The following GPR26 variants were observed in gnomAD, a reference collection of about 807,000 sequenced individuals.
GPR26 encodes the protein G protein-coupled receptor 26.
In GPR26, 15 loss-of-function variants were observed where a neutral mutation model predicts 23.1. The ratio of observed to expected loss-of-function variants is 0.65; its 90% CI spans 0.43 to 1.00. GPR26 has a LOEUF of 1.00. GPR26 is among the 50% of genes least tolerant of loss of function. GPR26 has a pLI of 0.00. For synonymous variants in GPR26, 228 were observed against 222.1 expected (o/e 1.03, Z -0.24); for missense variants, 359 against 470.5 (o/e 0.76, Z 2.19).
chr10:123,677,063 C>T (rs551132525), intron 2 of GPR26, among the ~76,000 whole-genome samples: 3 of 152,312 alleles, frequency 2.0e-5, no homozygotes, highest in South Asian at 4.1e-4. Flanking sequence ...TCCCAGAAGC[C>T]GGACAGCCGT....
At chr10:123,687,637 G>A (rs983216223) in intron 2 of GPR26, among the ~76,000 whole-genome samples, 2 of 145,278 alleles carry the variant, frequency 1.4e-5, no homozygotes, top group African/African-American at 5.1e-5. Context: ...AACCTCCTGG[G>A]ACATCTGTTT....
rs892705906 is a variant in GPR26, at chr10:123,695,771, A to T, written c.*7611A>T. Among the ~76,000 whole-genome samples, 5 of 152,206 alleles carry T rather than the reference A, an allele frequency of 3.3e-5. No individual in the cohort carries two copies. The highest frequency in any genetic ancestry group is 6.5e-5 in the Admixed American group (1 of 15,276). The stretch of plus-strand genomic sequence containing the variant: ...TAATAGTAACCAAACTCTCTGCTCT[A>T]ACAACCTTCGAATGTCAAGTTCCCT... On this transcript the variant is annotated 3_prime_UTR_variant, in exon 3 of 3. Transcript: ENST00000284674.
At chr10:123,681,685 C>A (rs1845379836) in intron 2 of GPR26, among the ~76,000 whole-genome samples, 1 of 152,212 alleles carries the variant, frequency 6.6e-6, no homozygotes, top group Non-Finnish European at 1.5e-5. Flanking sequence ...GGGGGATTCC[C>A]TTCTCTTCAC....
chr10:123,667,383 A>G (rs1455649388), intron 1 of GPR26, among the ~76,000 whole-genome samples: 1 of 152,150 alleles, frequency 6.6e-6, no homozygotes, highest in East Asian at 1.9e-4. Context: ...TTCACTTTAA[A>G]TGGCACATGG....
rs1312176430 is a variant in GPR26 at position 123,674,316 on chromosome 10, C to T, written c.669-502C>T. ...GTAAAAACTTTCCTTGCAGGTAAAA[C>T]ACACCTGCCAGGATTAACTGTGGTA... is the stretch of plus-strand genomic sequence containing the variant. On this transcript the variant is annotated intron_variant, in intron 1 of 2. Transcript: ENST00000284674. This position sits in a 1 kb window ranked among gnomAD's most constrained non-coding sequence, Gnocchi z 4.1. Among the ~76,000 whole-genome samples, 1 of 152,200 alleles carries T rather than the reference C, an allele frequency of 6.6e-6. No individual in the cohort carries two copies. Among genetic ancestry groups the T allele is most frequent in the Non-Finnish European group, 1.5e-5 (1 of 68,028 alleles).
At chr10:123,670,290 T>C (rs866306788) in intron 1 of GPR26, among the ~76,000 whole-genome samples, 1 of 152,132 alleles carries the variant, frequency 6.6e-6, no homozygotes. Context: ...CCCTTGACTT[T>C]ACAGATGAGA....
chr10:123,683,898 G>GCGCC (rs1244714694), intron 2 of GPR26, among the ~76,000 whole-genome samples: 1 of 152,148 alleles, frequency 6.6e-6, no homozygotes, highest in Non-Finnish European at 1.5e-5. Context: ...CACAAGCTCT[G>GCGCC]CGCCCTGCAG....
chr10:123,675,833 C>CGTGTGTGTGTGTGTGTGTGTGT (rs56201657), intron 2 of GPR26, among the ~76,000 whole-genome samples: 1,821 of 134,108 alleles, frequency 0.014, 54 homozygotes, highest in East Asian at 0.019. Context: ...TGTGTGTGTA[C>CGTGTGTGTGTGTGTGTGTGTGT]GTGTGTGTGT....
intron 2 of GPR26, among the ~76,000 whole-genome samples, chr10:123,682,991 T>C (rs1031283265): frequency 6.6e-5 from 10 of 152,102 alleles, no homozygotes; most frequent in Non-Finnish European, 8.8e-5. Flanking sequence ...TGTGTGTGTG[T>C]ATGTATACAT....
At chr10:123,678,576 C>T (rs1478671190) in intron 2 of GPR26, among the ~76,000 whole-genome samples, 1 of 152,170 alleles carries the variant, frequency 6.6e-6, no homozygotes, top group Non-Finnish European at 1.5e-5. Context: ...GGTGGGTCCT[C>T]CTGCAATCAC....
At position 123,674,810 on chromosome 10, in the gene GPR26, A is replaced by C. The variant is rs1227177468; in HGVS notation, c.669-8A>C. Reference sequence around the variant, plus strand: ...CGTAGTTCACCTTCTCTCCTCTCTCACATGCAGTGTGCGGGAACGCTGTCT... The same window carrying C: ...CGTAGTTCACCTTCTCTCCTCTCTCCCATGCAGTGTGCGGGAACGCTGTCT... On this transcript the variant is annotated splice_polypyrimidine_tract_variant and splice_region_variant and intron_variant, in intron 1 of 2. Transcript: ENST00000284674. The surrounding 1 kb of genome is among the most constrained non-coding windows in gnomAD (Gnocchi z 4.1). 4 of 1,600,694 alleles carry C rather than the reference A, an allele frequency of 2.5e-6. No individual in the cohort carries two copies. Among genetic ancestry groups the C allele is most frequent in the African/African-American group, 1.3e-5 (1 of 74,692 alleles).
At chr10:123,687,841 C>T in intron 2 of GPR26, 88 bp from the exon 3 acceptor site, 1 of 850,084 alleles carries the variant, frequency 1.2e-6, no homozygotes, top group Non-Finnish European at 2.0e-6. Flanking sequence ...AAACCGTGGT[C>T]TGCAGGGCAC....
intron 1 of GPR26, among the ~76,000 whole-genome samples, chr10:123,667,561 C>CTCTGTGTGTGTGTGTGTG (rs1175317398): frequency 1.6e-5 from 2 of 124,998 alleles, no homozygotes; most frequent in African/African-American, 6.3e-5. Flanking sequence ...TGTCTCACGA[C>CTCTGTGTGTGTGTGTGTG]TGTGTGTGTG....
intron 2 of GPR26, among the ~76,000 whole-genome samples, chr10:123,683,286 G>A (rs186336971): frequency 9.2e-5 from 14 of 152,318 alleles, no homozygotes; most frequent in South Asian, 2.1e-4. Flanking sequence ...TGAATGTTCC[G>A]GCTGTGTAGC....
chr10:123,673,121 G>A (rs547768843), intron 1 of GPR26, among the ~76,000 whole-genome samples: 8 of 152,206 alleles, frequency 5.3e-5, no homozygotes, highest in African/African-American at 1.7e-4. Flanking sequence ...CAGCCAGGAC[G>A]AAATCTGTTT....
Position 123,689,469 on chromosome 10 carries a change from C to T in GPR26, c.*1309C>T, listed in dbSNP as rs1347432204. ...AAGGAGAGCCACCCCTGCTTTCTGG[C>T]CATCTCTTCTTTGTCTACCATTTCA... is the stretch of plus-strand genomic sequence containing the variant. On this transcript the variant is annotated 3_prime_UTR_variant, in exon 3 of 3. Coordinates refer to ENST00000284674, the MANE Select transcript of GPR26 (RefSeq NM_153442.4). 2.0e-5 allele frequency: 3 copies of T among 152,176 alleles called. No homozygotes were observed. In the South Asian group the frequency reaches 6.2e-4, roughly 32 times the overall value. 9.4% of individuals were successfully genotyped at this position (152,176 alleles called of 1,614,324 possible).
Position 123,666,891 on chromosome 10 carries a change from C to T in GPR26, c.484C>T (p.Arg162Trp), listed in dbSNP as rs775467686. The change falls in exon 1 of 3, where the codon CGG (arginine) becomes TGG (tryptophan). Residue 162 changes from arginine (R) to tryptophan (W), a missense_variant. By Grantham distance (101) the Arg-to-Trp change is moderately radical. Coordinates refer to ENST00000284674, the MANE Select transcript of GPR26 (RefSeq NM_153442.4). Reference sequence around the variant, plus strand: ...CGCCTCGTGCACGCTGTGCAGCCGGCGGCCAGACGAGCGCCTGCGCTTCGC... The same window carrying T: ...CGCCTCGTGCACGCTGTGCAGCCGGTGGCCAGACGAGCGCCTGCGCTTCGC... ...LYASCTLCSRRPDERLRFAVF... is the reference protein window; with the variant it reads ...LYASCTLCSRWPDERLRFAVF... 3.7e-6 allele frequency: 6 copies of T among 1,612,106 alleles called. No individual in the cohort carries two copies. Among genetic ancestry groups the T allele is most frequent in the African/African-American group, 2.7e-5 (2 of 75,042 alleles).
chr10:123,667,123 G>GCCGAGATCCC, intron 1 of GPR26, 48 bp downstream of exon 1: 1 of 1,359,998 alleles, frequency 7.4e-7, no homozygotes, highest in Non-Finnish European at 9.9e-7. Context: ...GCGGGATCTC[G>GCCGAGATCCC]GCGGGAGTGG....
chr10:123,680,181 A>C (rs1194899575), intron 2 of GPR26, among the ~76,000 whole-genome samples: 3 of 152,248 alleles, frequency 2.0e-5, no homozygotes, highest in African/African-American at 7.2e-5. Context: ...CCCTGTTCCG[A>C]GTCAGATCCC....
Sources: gnomAD v4.1 joint callset for allele counts (sites outside exome capture counted in the v4.1 genomes callset) on GRCh38, gnomAD v4.1.1 for gene constraint, Gnocchi (gnomAD v3.1) non-coding constraint, MANE v1.5 for transcripts, NCBI Gene and HGNC (gene_info 2026-07-23, HGNC 2026-07-21) for gene names.